TNNT1: variants seen among roughly 807,000 people sequenced by gnomAD.
The protein encoded by TNNT1 is troponin T1, slow skeletal type.
Under a neutral mutation model 50.6 loss-of-function variants are expected in TNNT1, and 53 were observed. That is an observed-to-expected ratio of 1.05 (90% CI 0.84 to 1.32). The LOEUF (loss-of-function observed/expected upper bound fraction) is 1.32, where lower values mean the gene tolerates loss of function less well. Ranked by LOEUF, TNNT1 falls within the 40% of genes most tolerant of loss-of-function variation. The pLI is 0.00. For missense variants in TNNT1, 348 were observed against 381.7 expected (o/e 0.91, Z 0.74); for synonymous variants, 142 against 138.0 (o/e 1.03, Z -0.20).
intron 9 of TNNT1, 105 bp from the exon 10 acceptor site, chr19:55,138,179 C>T: frequency 6.3e-7 from 1 of 1,589,798 alleles, no homozygotes; most frequent in Non-Finnish European, 8.6e-7. Flanking sequence ...CCCAGTGCCG[C>T]AGAGGCTGCT....
chr19:55,145,280 G>A, intron 6 of TNNT1: 2 of 536,222 alleles, frequency 3.7e-6, no homozygotes, highest in Non-Finnish European at 6.7e-6. Context: ...TGGGTAACAG[G>A]GTGGAGACTA....
At chr19:55,136,102 G>A (rs947533305) in intron 11 of TNNT1, among the ~76,000 whole-genome samples, 1 of 152,120 alleles carries the variant, frequency 6.6e-6, no homozygotes, top group East Asian at 1.9e-4. Flanking sequence ...CCAGACTGCC[G>A]GGTTCAAATC....
At chr19:55,133,642 C>T (rs369697952) in intron 13 of TNNT1, 4 of 572,150 alleles carry the variant, frequency 7.0e-6, no homozygotes, top group Non-Finnish European at 1.2e-5. Flanking sequence ...CACTCCACTG[C>T]ACTCCAGCCT....
At chr19:55,140,037 T>G (rs1384686348) in intron 9 of TNNT1, among the ~76,000 whole-genome samples, 2 of 151,670 alleles carry the variant, frequency 1.3e-5, no homozygotes, top group African/African-American at 4.9e-5. Flanking sequence ...GGCAGGGGAA[T>G]TGCTTGAACC....
intron 11 of TNNT1, among the ~76,000 whole-genome samples, chr19:55,136,201 A>G (rs1174334368): frequency 1.3e-5 from 2 of 152,156 alleles, no homozygotes; most frequent in Non-Finnish European, 2.9e-5. Flanking sequence ...CACAAGGATA[A>G]TAATAGTATC....
intron 3 of TNNT1, 41 bp from the exon 4 acceptor site, chr19:55,146,748 G>T: frequency 6.9e-7 from 1 of 1,449,758 alleles, no homozygotes; most frequent in South Asian, 1.4e-5. Flanking sequence ...TAGGAGCTGG[G>T]GGAGGGATGG....
intron 6 of TNNT1, 107 bp from the exon 7 acceptor site, chr19:55,142,027 C>T (rs1483593282): frequency 5.3e-6 from 6 of 1,140,354 alleles, no homozygotes; most frequent in Admixed American, 3.4e-5. Context: ...CCGGGAGGCT[C>T]CTGAACGTGG....
chr19:55,133,184 G>A (rs375569965), intron 13 of TNNT1, among the ~76,000 whole-genome samples: 2 of 152,044 alleles, frequency 1.3e-5, no homozygotes, highest in African/African-American at 2.4e-5. Context: ...TTGGGGGCGA[G>A]TGCAGGGTGT....
chr19:55,135,478 C>T, intron 11 of TNNT1: 1 of 333,710 alleles, frequency 3.0e-6, no homozygotes, highest in South Asian at 2.1e-5. Flanking sequence ...CATCACAGCT[C>T]ACCGCAGTCT....
chr19:55,139,567 C>A (rs958344308), intron 9 of TNNT1, among the ~76,000 whole-genome samples: 4 of 152,158 alleles, frequency 2.6e-5, no homozygotes, highest in Non-Finnish European at 5.9e-5. Flanking sequence ...CAGTCTGACC[C>A]TCTGGCCTTC....
At chr19:55,137,882 T>C (rs1221080507) in intron 10 of TNNT1, 79 bp downstream of exon 10, 7 of 1,544,512 alleles carry the variant, frequency 4.5e-6, no homozygotes, top group Non-Finnish European at 6.2e-6. Context: ...CAGCCCCTCC[T>C]CCGTTAGGAA....
intron 6 of TNNT1, among the ~76,000 whole-genome samples, chr19:55,144,307 T>G (rs570690781): frequency 4.5e-4 from 69 of 152,136 alleles, no homozygotes; most frequent in African/African-American, 1.4e-3. Flanking sequence ...TGACCTTAGG[T>G]AATCCGCCCC....
chr19:55,145,619 G>C (rs1033806619), intron 5 of TNNT1, 54 bp from the exon 6 acceptor site: 2 of 1,599,756 alleles, frequency 1.3e-6, no homozygotes, highest in Non-Finnish European at 1.7e-6. Context: ...AGAGGAGAGG[G>C]GCTAGGCCTG....
At chr19:55,146,315 G>A (rs2085549714) in intron 5 of TNNT1, 119 bp downstream of exon 5, 2 of 639,648 alleles carry the variant, frequency 3.1e-6, no homozygotes, top group African/African-American at 1.9e-5. Context: ...ACCGGGCCTG[G>A]GGGCGGGTTA....
At chr19:55,145,667 C>G (rs1366385451) in intron 5 of TNNT1, 102 bp from the exon 6 acceptor site, 8 of 1,309,438 alleles carry the variant, frequency 6.1e-6, no homozygotes, top group Non-Finnish European at 8.8e-6. Context: ...CCTCGGCCCC[C>G]AGGACCCCAG....
chr19:55,133,943 A>G lies in TNNT1; in HGVS notation c.751-16T>C, dbSNP rs77273500. ...GCACGTTGATCTGCGGAGGCAGAAG[A>G]CAGATGCTGGGACAGCCGGTGGGGA... On this transcript the variant is annotated splice_polypyrimidine_tract_variant and intron_variant, in intron 12 of 13. Coordinates refer to ENST00000588981, the MANE Select transcript of TNNT1 (RefSeq NM_003283.6). 9,919 of 1,612,642 alleles carry G rather than the reference A, an allele frequency of 6.2e-3. 516 individuals are homozygous for G. In the African/African-American group the frequency reaches 0.12, roughly 19 times the overall value.
At chr19:55,133,759 G>A (rs1162331054) in intron 13 of TNNT1, 128 bp downstream of exon 13, 1 of 1,051,060 alleles carries the variant, frequency 9.5e-7, no homozygotes, top group East Asian at 2.4e-5. Flanking sequence ...GGACAGAGAA[G>A]GAAGGACAAA....
chr19:55,146,822 C>T, intron 3 of TNNT1, 115 bp from the exon 4 acceptor site: 3 of 1,157,066 alleles, frequency 2.6e-6, no homozygotes, highest in Non-Finnish European at 3.6e-6. Flanking sequence ...GCCTCGGCTG[C>T]GATGGGCACG....
rs956663167 is a variant in TNNT1, at chr19:55,146,583, C to T, written c.73+98G>A. Reference sequence around the variant, plus strand: ...GAGAGGCTGTTAGAGGACCGGGAGCCGAGGCCGTCGGGAGCCCCATCCCGC... The same window carrying T: ...GAGAGGCTGTTAGAGGACCGGGAGCTGAGGCCGTCGGGAGCCCCATCCCGC... On this transcript the variant is annotated intron_variant, in intron 4 of 13. Coordinates refer to ENST00000588981, the MANE Select transcript of TNNT1 (RefSeq NM_003283.6). 12 of 1,225,850 alleles carry T rather than the reference C, an allele frequency of 9.8e-6. No homozygotes were observed. The African/African-American group carries it at 1.4e-4, about 14-fold the overall frequency. The allele number at this position is 1,225,850 out of a possible 1,614,324, so 75.9% of individuals were successfully genotyped here.
Sources: gnomAD v4.1 joint callset for allele counts (sites outside exome capture counted in the v4.1 genomes callset) on GRCh38, gnomAD v4.1.1 for gene constraint, MANE v1.5 for transcripts, NCBI Gene and HGNC (gene_info 2026-07-23, HGNC 2026-07-21) for gene names.